Variants in QTMAN observed in about 807,000 individuals in gnomAD.
QTMAN encodes queuosine-tRNA mannosyltransferase.
At chr2:144,019,394 T>G in the QTMAN span, among the ~76,000 whole-genome samples, 4 of 145,120 alleles carry the variant, frequency 2.8e-5, no homozygotes, top group Non-Finnish European at 6.1e-5. Context: ...GAGCGGTGGT[T>G]GAGCAGAGAG....
At chr2:144,166,371 T>C in the QTMAN span, among the ~76,000 whole-genome samples, 15 of 152,236 alleles carry the variant, frequency 9.9e-5, no homozygotes, top group Non-Finnish European at 1.8e-4. Flanking sequence ...CATATTCTCT[T>C]GGGTGTCCCC....
At chr2:143,970,823 G>T in the QTMAN span, 1 of 919,852 alleles carries the variant, frequency 1.1e-6, no homozygotes, top group Non-Finnish European at 1.8e-6. Context: ...AGGAAAAGTG[G>T]TTTCACTTCC....
the QTMAN span, among the ~76,000 whole-genome samples, chr2:144,033,550 T>A: frequency 6.6e-6 from 1 of 152,164 alleles, no homozygotes. Context: ...AACCCTGTCC[T>A]TTTGGGTTTA....
chr2:144,150,015 C>T, the QTMAN span, among the ~76,000 whole-genome samples: 1 of 151,960 alleles, frequency 6.6e-6, no homozygotes, highest in African/African-American at 2.4e-5. Context: ...ACTGCCCATA[C>T]ATTTTAGTAA....
chr2:144,078,151 T>A, the QTMAN span, among the ~76,000 whole-genome samples: 1 of 152,202 alleles, frequency 6.6e-6, no homozygotes, highest in African/African-American at 2.4e-5. Flanking sequence ...CAGTTCACAG[T>A]CTCTGAATAC....
chr2:144,064,439 T>C, the QTMAN span, among the ~76,000 whole-genome samples: 2 of 152,120 alleles, frequency 1.3e-5, no homozygotes, highest in Non-Finnish European at 2.9e-5. Context: ...AGAATGACAT[T>C]TGAGTATTAT....
chr2:144,174,419 C>T, the QTMAN span, among the ~76,000 whole-genome samples: 34 of 152,218 alleles, frequency 2.2e-4, no homozygotes, highest in African/African-American at 7.2e-4. Flanking sequence ...TCCAGTGTCT[C>T]GAAAATCATA....
the QTMAN span, among the ~76,000 whole-genome samples, chr2:144,125,901 C>A: frequency 6.6e-6 from 1 of 151,932 alleles, no homozygotes; most frequent in Non-Finnish European, 1.5e-5. Context: ...TCTGCCTTAT[C>A]AGATGGTAAA....
the QTMAN span, among the ~76,000 whole-genome samples, chr2:144,214,770 T>C: frequency 3.9e-5 from 6 of 152,248 alleles, no homozygotes; most frequent in Admixed American, 3.9e-4. Flanking sequence ...TACGCCATAC[T>C]TTCTGTGAGA....
the QTMAN span, among the ~76,000 whole-genome samples, chr2:143,961,781 T>A: frequency 6.6e-6 from 1 of 151,838 alleles, no homozygotes; most frequent in African/African-American, 2.4e-5. Context: ...GCTGCAGGAG[T>A]AGACTTTAAG....
At chr2:143,970,891 T>C in the QTMAN span, 1 of 632,350 alleles carries the variant, frequency 1.6e-6, no homozygotes, top group Admixed American at 2.9e-5. Flanking sequence ...GGTATCCAAG[T>C]GGAGATTTCT....
At chr2:144,169,314 T>C in the QTMAN span, among the ~76,000 whole-genome samples, 7 of 152,172 alleles carry the variant, frequency 4.6e-5, no homozygotes, top group Admixed American at 1.3e-4. Flanking sequence ...TTTTCTACTA[T>C]GGAAATTTTC....
the QTMAN span, among the ~76,000 whole-genome samples, chr2:144,058,133 A>AACACACACACACACACACAC: frequency 1.0e-5 from 1 of 97,186 alleles, no homozygotes; most frequent in African/African-American, 4.6e-5. Context: ...CACCCCGCTA[A>AACACACACACACACACACAC]ACACACACAC....
At chr2:144,314,433 C>A in the QTMAN span, among the ~76,000 whole-genome samples, 1 of 152,154 alleles carries the variant, frequency 6.6e-6, no homozygotes, top group African/African-American at 2.4e-5. Flanking sequence ...ATTAAGGGGG[C>A]CAGACGCAGT....
the QTMAN span, among the ~76,000 whole-genome samples, chr2:144,051,215 T>C: frequency 6.6e-6 from 1 of 152,128 alleles, no homozygotes; most frequent in Non-Finnish European, 1.5e-5. Flanking sequence ...GGGGTGTGTG[T>C]GTGTGTGTGT....
At chr2:144,073,267 ATATT>A in the QTMAN span, among the ~76,000 whole-genome samples, 3 of 149,350 alleles carry the variant, frequency 2.0e-5, no homozygotes, top group Admixed American at 6.7e-5. Flanking sequence ...TATATCATAT[ATATT>A]TATTTATTTC....
chr2:144,106,547 A>G, the QTMAN span, among the ~76,000 whole-genome samples: 5 of 152,262 alleles, frequency 3.3e-5, no homozygotes, highest in Non-Finnish European at 7.3e-5. Flanking sequence ...ATTCAACAAG[A>G]AGAGCTAACT....
the QTMAN span, among the ~76,000 whole-genome samples, chr2:143,967,026 C>G: frequency 6.6e-6 from 1 of 152,172 alleles, no homozygotes; most frequent in African/African-American, 2.4e-5. Context: ...TTTTCCAATC[C>G]TTCTGGCTTG....
At chr2:144,120,303 A>C in the QTMAN span, among the ~76,000 whole-genome samples, 5 of 152,146 alleles carry the variant, frequency 3.3e-5, no homozygotes, top group Admixed American at 2.6e-4. Flanking sequence ...CTAGGTAGGT[A>C]CTTAAAATCT....
Sources: gnomAD v4.1 joint callset for allele counts (sites outside exome capture counted in the v4.1 genomes callset) on GRCh38, gnomAD v4.1.1 for gene constraint, MANE v1.5 for transcripts, NCBI Gene and HGNC (gene_info 2026-07-23, HGNC 2026-07-21) for gene names.